DCDC2B: variants seen among roughly 807,000 people sequenced by gnomAD.
DCDC2B encodes the protein doublecortin domain containing 2B, also known as doublecortin domain-containing protein 2B.
A neutral mutation model predicts 38.9 loss-of-function variants in DCDC2B; 41 were observed. That is an observed-to-expected ratio of 1.05 (90% CI 0.82 to 1.37). DCDC2B has a LOEUF of 1.37. Among genes scored for constraint, DCDC2B ranks in the 40% most tolerant of loss-of-function variants. DCDC2B has a pLI of 0.00. For missense variants in DCDC2B, 453 were observed against 427.2 expected, an observed-to-expected ratio of 1.06 and a Z score of -0.53; for synonymous variants, 181 against 171.9, an observed-to-expected ratio of 1.05 and a Z score of -0.41.
intron 1 of DCDC2B, among the ~76,000 whole-genome samples, chr1:32,210,566 T>C (rs1393122457): frequency 1.3e-5 from 2 of 152,118 alleles, no homozygotes; most frequent in Non-Finnish European, 2.9e-5. Flanking sequence ...ACTTAGAATC[T>C]AGGCTTCATT....
In DCDC2B at chr1:32,209,309, G is replaced by A. The variant is rs551185618; in HGVS notation, c.216G>A (p.Lys72=). Residue 72 remains lysine (K), a synonymous_variant, in exon 1 of 9, where the codon AAG becomes AAA. Transcript: ENST00000409358. ...CTGTCACCAACCTGGCAGACTTGAAGAACAGAGGGCAGTATGTGGCCGCTG... is the reference window on the plus strand; with the variant it reads ...CTGTCACCAACCTGGCAGACTTGAAAAACAGAGGGCAGTATGTGGCCGCTG... ...GHPVTNLADL[K]NRGQYVAAGF... 6.2e-7 allele frequency: 1 copy of A among 1,614,026 alleles called. No individual in the cohort carries two copies. The highest frequency in any genetic ancestry group is 1.7e-5 in the Admixed American group (1 of 60,020).
intron 5 of DCDC2B, 54 bp from the exon 6 acceptor site, chr1:32,212,700 T>C: frequency 2.5e-6 from 4 of 1,613,084 alleles, no homozygotes; most frequent in Non-Finnish European, 3.4e-6. Flanking sequence ...TGGGTCTGTG[T>C]GCTTTGACTC....
At chr1:32,215,081 G>A in intron 7 of DCDC2B, 149 bp downstream of exon 7, 1 of 1,164,490 alleles carries the variant, frequency 8.6e-7, no homozygotes, top group Non-Finnish European at 1.2e-6. Flanking sequence ...AAAGGAGTCT[G>A]AACCTACTGT....
At position 32,215,283 on chromosome 1, in the gene DCDC2B, C is replaced by T; in HGVS notation, c.851-157C>T. 1.7e-5 allele frequency: 11 copies of T among 659,132 alleles called. No individual in the cohort carries two copies. In the South Asian group the frequency reaches 2.1e-4, roughly 12 times the overall value. The allele number at this position is 659,132 out of a possible 1,614,324, so 40.8% of individuals were successfully genotyped here. A position where few individuals can be genotyped will look rare whatever the true frequency, so the allele number is the denominator to read the frequency against. ...GGATATAGAGGGGATGGGGGTGGGA[C>T]CAAAGGCCCACCTCTCACTTCCTTG... On this transcript the variant is annotated intron_variant, in intron 7 of 8. Coordinates refer to ENST00000409358, the MANE Select transcript of DCDC2B (RefSeq NM_001099434.2).
chr1:32,215,983 C>G lies in DCDC2B; in HGVS notation c.*86C>G. The G allele has an allele frequency of 4.3e-6, 5 of 1,154,532 alleles. No individual in the cohort carries two copies. The South Asian group carries it at 6.7e-5, about 15-fold the overall frequency. The allele number at this position is 1,154,532 out of a possible 1,614,324, so 71.5% of individuals were successfully genotyped here. A position where few individuals can be genotyped will look rare whatever the true frequency, so the allele number is the denominator to read the frequency against. ...CTCCAGCAGCTTGTTCCTCAGGAGC[C>G]AGCACCTCCGCTGGGCTCACAGGGT... On this transcript the variant is annotated 3_prime_UTR_variant, in exon 9 of 9. Transcript: ENST00000409358.
intron 6 of DCDC2B, 31 bp downstream of exon 6, chr1:32,212,824 G>A: frequency 6.2e-7 from 1 of 1,611,206 alleles, no homozygotes; most frequent in Non-Finnish European, 8.5e-7. Flanking sequence ...TGAGGGGTGG[G>A]AAGAAGGGGA....
Position 32,215,432 on chromosome 1 carries a change from C to G in DCDC2B, c.851-8C>G, listed in dbSNP as rs2124215978. 1 of 1,607,090 alleles carries G rather than the reference C, an allele frequency of 6.2e-7. No homozygotes were observed. The highest frequency in any genetic ancestry group is 1.7e-5 in the Admixed American group (1 of 58,990). ...TGGGCATCACCCAGTGCTGCCTCCCCTCTTTAGGAGTTATAGGAGTATATG... is the reference window on the plus strand; with the variant it reads ...TGGGCATCACCCAGTGCTGCCTCCCGTCTTTAGGAGTTATAGGAGTATATG... On this transcript the variant is annotated splice_region_variant and splice_polypyrimidine_tract_variant and intron_variant, in intron 7 of 8. Transcript: ENST00000409358.
rs766920886 is a variant in DCDC2B at position 32,209,240 on chromosome 1, C to T, written c.147C>T (p.Ala49=). 3 of 1,613,844 alleles carry T rather than the reference C, an allele frequency of 1.9e-6. No homozygotes were observed. Among genetic ancestry groups the T allele is most frequent in the Non-Finnish European group, 2.5e-6 (3 of 1,179,896 alleles). ...FLCEVTSAVQ[A]PLAVRALYTP... is the part of the protein sequence containing the mutation. ...GCGAGGTGACATCAGCTGTGCAGGC[C>T]CCACTGGCTGTGCGTGCCCTCTACA... Residue 49 remains alanine, a synonymous_variant, in exon 1 of 9, where the codon GCC becomes GCT. Transcript: ENST00000409358.
Position 32,215,639 on chromosome 1 carries a change from G to C in DCDC2B, c.954+96G>C, listed in dbSNP as rs184629941. ...GCCCCAGGAACAGTTCTCCTCCCTT[G>C]TGATTGAAAGTAAATGATCTCCTAA... is the stretch of plus-strand genomic sequence containing the variant. On this transcript the variant is annotated intron_variant, in intron 8 of 8. Transcript: ENST00000409358. The C allele has an allele frequency of 7.9e-5, 95 of 1,208,212 alleles. No individual in the cohort carries two copies. In the Admixed American group the frequency reaches 1.3e-3, roughly 16 times the overall value. 74.8% of individuals were successfully genotyped at this position (1,208,212 alleles called of 1,614,324 possible).
intron 5 of DCDC2B, 44 bp downstream of exon 5, chr1:32,212,680 A>G: frequency 6.2e-7 from 1 of 1,612,804 alleles, no homozygotes; most frequent in Non-Finnish European, 8.5e-7. Flanking sequence ...GGGCAGAGGA[A>G]GCCACCCTCT....
At chr1:32,214,543 G>T (rs894874356) in intron 6 of DCDC2B, 45 of 501,862 alleles carry the variant, frequency 9.0e-5, no homozygotes, top group Admixed American at 5.5e-4. Context: ...CATGGGGCAT[G>T]GTGGTGGGGG....
At chr1:32,212,297 T>C (rs967312481) in intron 4 of DCDC2B, 96 bp downstream of exon 4, 2 of 1,568,244 alleles carry the variant, frequency 1.3e-6, no homozygotes, top group African/African-American at 1.4e-5. Context: ...AAGGAAAGCA[T>C]GTTCCCCCAC....
chr1:32,210,985 C>T (rs1457899059), intron 1 of DCDC2B, among the ~76,000 whole-genome samples: 3 of 152,188 alleles, frequency 2.0e-5, no homozygotes, highest in Non-Finnish European at 4.4e-5. Flanking sequence ...GGATTACAGG[C>T]GTGAGCTGCC....
At chr1:32,210,976 G>C (rs561221670) in intron 1 of DCDC2B, among the ~76,000 whole-genome samples, 13 of 152,308 alleles carry the variant, frequency 8.5e-5, no homozygotes, top group Non-Finnish European at 4.4e-5. Flanking sequence ...AAAGAGCTGG[G>C]ATTACAGGCG....
At chr1:32,210,086 G>A (rs1305091352) in intron 1 of DCDC2B, among the ~76,000 whole-genome samples, 1 of 152,128 alleles carries the variant, frequency 6.6e-6, no homozygotes, top group Non-Finnish European at 1.5e-5. Flanking sequence ...CCGGCACTTT[G>A]GAAGGCCAAG....
At chr1:32,211,369 C>T (rs750162862) in intron 2 of DCDC2B, 46 bp downstream of exon 2, 5 of 1,601,146 alleles carry the variant, frequency 3.1e-6, no homozygotes, top group Admixed American at 3.4e-5. Flanking sequence ...TCTTCCCACT[C>T]CTCCTGGAAC....
rs1336936598 is a variant in DCDC2B, at chr1:32,212,099, C to A, written c.425C>A (p.Pro142His). 1.9e-6 allele frequency: 3 copies of A among 1,613,752 alleles called. No homozygotes were observed. Among genetic ancestry groups the A allele is most frequent in the Non-Finnish European group, 1.7e-6 (2 of 1,179,834 alleles). The change falls in exon 4 of 9, where the codon CCC becomes CAC. Residue 142 changes from proline (P) to histidine (H), a missense_variant. By Grantham distance (77) the Pro-to-His change is moderately conservative. Transcript: ENST00000409358. ...HVFRNGDLVS[P>H]PFSLKLSQAA... ...TTCAGGAATGGGGACCTGGTAAGTC[C>A]CCCATTTAGTCTGAAGCTGTCCCAG...
chr1:32,212,273 G>C (rs1643618656), intron 4 of DCDC2B, 72 bp downstream of exon 4: 1 of 1,585,880 alleles, frequency 6.3e-7, no homozygotes. Flanking sequence ...CTGTGGCTGA[G>C]GATGAAGAGG....
chr1:32,215,949 G>T lies in DCDC2B; in HGVS notation c.*52G>T. 1 of 1,430,412 alleles carries T rather than the reference G, an allele frequency of 7.0e-7. No homozygotes were observed. The highest frequency in any genetic ancestry group is 9.6e-7 in the Non-Finnish European group (1 of 1,039,972). The allele number at this position is 1,430,412 out of a possible 1,614,324, so 88.6% of individuals were successfully genotyped here. A position where few individuals can be genotyped will look rare whatever the true frequency, so the allele number is the denominator to read the frequency against. On this transcript the variant is annotated 3_prime_UTR_variant, in exon 9 of 9. Transcript: ENST00000409358. ...GGGACCACTACTCTGGCCACCTTTTGTCCTTAGCCTCCAGCAGCTTGTTCC... is the reference window on the plus strand; with the variant it reads ...GGGACCACTACTCTGGCCACCTTTTTTCCTTAGCCTCCAGCAGCTTGTTCC...
Sources: gnomAD v4.1 joint callset for allele counts (sites outside exome capture counted in the v4.1 genomes callset) on GRCh38, gnomAD v4.1.1 for gene constraint, MANE v1.5 for transcripts, NCBI Gene and HGNC (gene_info 2026-07-23, HGNC 2026-07-21) for gene names.